CERS6: variants seen among roughly 807,000 people sequenced by gnomAD.
CERS6 encodes LAG1 homolog, ceramide synthase 6.
In CERS6, 26 loss-of-function variants were observed where a neutral mutation model predicts 56.8. That is an observed-to-expected ratio of 0.46 (90% CI 0.34 to 0.63). The LOEUF is 0.63. Ranked by LOEUF, CERS6 falls within the 30% of genes least tolerant of loss-of-function variation. CERS6 has a pLI of 0.01. For synonymous variants in CERS6, 164 were observed against 173.3 expected, an observed-to-expected ratio of 0.95 and a Z score of 0.42; for missense variants, 415 against 467.5, an observed-to-expected ratio of 0.89 and a Z score of 1.04.
At chr2:168,766,038 A>G (rs1025775966) in intron 9 of CERS6, among the ~76,000 whole-genome samples, 2 of 152,168 alleles carry the variant, frequency 1.3e-5, no homozygotes, top group Non-Finnish European at 2.9e-5. Context: ...GATTATATTT[A>G]TACTGAACAG....
chr2:168,542,237 T>G (rs1265287242), intron 1 of CERS6, among the ~76,000 whole-genome samples: 1 of 152,240 alleles, frequency 6.6e-6, no homozygotes, highest in African/African-American at 2.4e-5. Context: ...AAATCCTTAT[T>G]GAGACAGTTG....
At chr2:168,634,067 A>AT (rs1159572505) in intron 4 of CERS6, among the ~76,000 whole-genome samples, 2 of 152,182 alleles carry the variant, frequency 1.3e-5, no homozygotes, top group Non-Finnish European at 2.9e-5. Flanking sequence ...ATGGTGGTTT[A>AT]ATAAGCACCT....
At chr2:168,543,724 TA>T (rs533245461) in intron 1 of CERS6, among the ~76,000 whole-genome samples, 1 of 152,194 alleles carries the variant, frequency 6.6e-6, no homozygotes, top group Admixed American at 6.5e-5. Context: ...TATGCAATTT[TA>T]AAAAAATCTT....
chr2:168,754,270 G>A (rs1280227511), intron 8 of CERS6, among the ~76,000 whole-genome samples: 1 of 152,216 alleles, frequency 6.6e-6, no homozygotes, highest in Non-Finnish European at 1.5e-5. Context: ...GCCAGTTGGT[G>A]TGTTCAAGGT....
chr2:168,749,457 G>A (rs2390732), intron 8 of CERS6, among the ~76,000 whole-genome samples: 97,874 of 152,082 alleles, frequency 0.64, 32,286 homozygotes, highest in African/African-American at 0.79. Context: ...GCACTTCCAG[G>A]GAGCCACATG....
intron 8 of CERS6, among the ~76,000 whole-genome samples, chr2:168,753,889 G>A (rs1684347700): frequency 1.3e-5 from 2 of 152,204 alleles, no homozygotes; most frequent in African/African-American, 4.8e-5. Flanking sequence ...CTCTAGGTAA[G>A]AGTAAAACAC....
In CERS6 at chr2:168,551,880, A is replaced by G. The variant is rs59315966; in HGVS notation, c.276+4179A>G. Among the ~76,000 whole-genome samples the G allele has an allele frequency of 5.6e-3, 856 of 152,322 alleles. 5 individuals are homozygous for G. Among genetic ancestry groups the G allele is most frequent in the African/African-American group, 0.02 (813 of 41,580 alleles). Reference sequence around the variant, plus strand: ...TGTTGTTTCTTAACTGGTTATATTCAGAATTATCTGGGTAAATATGCTTTT... The same window carrying G: ...TGTTGTTTCTTAACTGGTTATATTCGGAATTATCTGGGTAAATATGCTTTT... On this transcript the variant is annotated intron_variant, in intron 2 of 9. Transcript: ENST00000305747.
intron 3 of CERS6, among the ~76,000 whole-genome samples, chr2:168,591,394 G>T (rs1683666987): frequency 6.6e-6 from 1 of 152,212 alleles, no homozygotes; most frequent in Non-Finnish European, 1.5e-5. Flanking sequence ...ATGAGAGTTT[G>T]ATAGCCAAAT....
chr2:168,724,888 C>T (rs940409080), intron 8 of CERS6, among the ~76,000 whole-genome samples: 12 of 152,356 alleles, frequency 7.9e-5, no homozygotes, highest in Non-Finnish European at 1.6e-4. Flanking sequence ...AGTCCAGCGC[C>T]GTGTGCCTGC....
At chr2:168,768,888 G>A (rs550163551) in intron 9 of CERS6, among the ~76,000 whole-genome samples, 1 of 121,948 alleles carries the variant, frequency 8.2e-6, no homozygotes, top group East Asian at 2.4e-4. Flanking sequence ...CTGGGCAACA[G>A]AGCAAGACTC....
chr2:168,508,299 C>T (rs906887842), intron 1 of CERS6, among the ~76,000 whole-genome samples: 2 of 152,126 alleles, frequency 1.3e-5, no homozygotes, highest in African/African-American at 4.8e-5. Context: ...GCAAAGCCTC[C>T]TAGGTTGAAA....
chr2:168,576,887 G>A (rs773762188), intron 3 of CERS6, among the ~76,000 whole-genome samples: 1 of 152,170 alleles, frequency 6.6e-6, no homozygotes, highest in Non-Finnish European at 1.5e-5. Context: ...ATGACGCTTG[G>A]GTTTTAGCCT....
intron 3 of CERS6, among the ~76,000 whole-genome samples, chr2:168,603,119 G>A (rs2105264857): frequency 6.6e-6 from 1 of 152,246 alleles, no homozygotes; most frequent in Middle Eastern, 3.4e-3. Flanking sequence ...CTGCTCCTTG[G>A]GTTTGCCCTT....
In CERS6 at chr2:168,735,404, A is replaced by G. The variant is rs974403808; in HGVS notation, c.845+17426A>G. Among the ~76,000 whole-genome samples the G allele has an allele frequency of 3.3e-5, 5 of 152,068 alleles. No individual in the cohort carries two copies. The East Asian group carries it at 7.7e-4, about 23-fold the overall frequency. ...GCTTCCTAAAAATTTATACAAGAAC[A>G]GTTTTTTTCTGGGGTAAGAGGGTGT... On this transcript the variant is annotated intron_variant, in intron 8 of 9. Transcript: ENST00000305747.
At chr2:168,598,493 G>A (rs1391914334) in intron 3 of CERS6, among the ~76,000 whole-genome samples, 1 of 151,702 alleles carries the variant, frequency 6.6e-6, no homozygotes, top group African/African-American at 2.4e-5. Context: ...ATGGCAAGGG[G>A]CAAAAAAATA....
At chr2:168,549,089 G>T (rs1695518430) in intron 2 of CERS6, among the ~76,000 whole-genome samples, 1 of 152,010 alleles carries the variant, frequency 6.6e-6, no homozygotes, top group Non-Finnish European at 1.5e-5. Context: ...ATTTGTAAGT[G>T]TGATTATAAC....
chr2:168,637,892 A>G (rs546062276), intron 4 of CERS6, among the ~76,000 whole-genome samples: 28 of 152,216 alleles, frequency 1.8e-4, no homozygotes, highest in Non-Finnish European at 2.6e-4. Context: ...TTTATTTTCT[A>G]TTAAATAAAA....
At chr2:168,727,507 C>T (rs1683384840) in intron 8 of CERS6, among the ~76,000 whole-genome samples, 2 of 151,254 alleles carry the variant, frequency 1.3e-5, no homozygotes, top group Non-Finnish European at 2.9e-5. Flanking sequence ...CGAGATCGCG[C>T]CACTGCACTC....
intron 6 of CERS6, among the ~76,000 whole-genome samples, 171 bp downstream of exon 6, chr2:168,695,222 A>AT (rs977965624): frequency 1.3e-5 from 2 of 151,886 alleles, no homozygotes; most frequent in Non-Finnish European, 2.9e-5. Context: ...GCTGTTTTAT[A>AT]TTTTTTTCTA....
Sources: allele counts gnomAD v4.1 joint callset (sites outside exome capture counted in the v4.1 genomes callset), GRCh38; gene constraint gnomAD v4.1.1; transcripts MANE v1.5; gene names NCBI Gene and HGNC (gene_info 2026-07-23, HGNC 2026-07-21).